The following PCDH15 variants were observed in gnomAD, a reference collection of about 807,000 sequenced individuals.
PCDH15 encodes protocadherin-15.
PCDH15 carries 129 observed loss-of-function variants against 178.5 expected under a neutral mutation model. The ratio of observed to expected loss-of-function variants is 0.72; its 90% CI spans 0.63 to 0.84. The LOEUF (loss-of-function observed/expected upper bound fraction) is 0.84, where lower values mean the gene tolerates loss of function less well. Ranked by LOEUF, PCDH15 falls within the 40% of genes least tolerant of loss-of-function variation. The pLI is 0.00. For synonymous variants in PCDH15, 800 were observed against 732.0 expected (o/e 1.09, Z -1.50); for missense variants, 2,230 against 2,099.9 (o/e 1.06, Z -1.21).
At chr10:54,340,274 T>G (rs1014242534) in intron 6 of PCDH15, among the ~76,000 whole-genome samples, 1 of 152,194 alleles carries the variant, frequency 6.6e-6, no homozygotes, top group Non-Finnish European at 1.5e-5. Flanking sequence ...TTGTTGTCAT[T>G]GGCTAATGAA....
chr10:54,587,429 C>T (rs551299048), intron 2 of PCDH15, among the ~76,000 whole-genome samples: 2 of 151,980 alleles, frequency 1.3e-5, no homozygotes, highest in South Asian at 2.1e-4. Flanking sequence ...GCCAGAACAA[C>T]TTAGTGCAGA....
intron 1 of PCDH15, among the ~76,000 whole-genome samples, chr10:54,668,533 G>A (rs78789448): frequency 6.6e-6 from 1 of 152,092 alleles, no homozygotes; most frequent in Non-Finnish European, 1.5e-5. Context: ...CTTGGAAGGA[G>A]AATAAAGGTC....
chr10:54,908,528 A>G (rs1384107646), intron 2 of PCDH15, among the ~76,000 whole-genome samples: 1 of 152,138 alleles, frequency 6.6e-6, no homozygotes, highest in Non-Finnish European at 1.5e-5. Flanking sequence ...TGTCACCTGC[A>G]ACATGGCAGG....
intron 1 of PCDH15, among the ~76,000 whole-genome samples, chr10:55,222,710 T>TACACACACACAGACACACACACACACAC (rs1554842351): frequency 3.6e-4 from 15 of 42,192 alleles, no homozygotes; most frequent in Non-Finnish European, 7.2e-4. Flanking sequence ...TATATCTTTA[T>TACACACACACAGACACACACACACACAC]ACACACACAC....
chr10:53,825,134 A>ACTTATGCCTATGTAT (rs772076259), intron 32 of PCDH15: 1 of 1,541,592 alleles, frequency 6.5e-7, no homozygotes, highest in Admixed American at 2.0e-5. Context: ...TTATTTACTT[A>ACTTATGCCTATGTAT]CTTATGCCTA....
At chr10:55,006,917 G>A (rs1186975994) in intron 2 of PCDH15, among the ~76,000 whole-genome samples, 1 of 151,926 alleles carries the variant, frequency 6.6e-6, no homozygotes. Flanking sequence ...GGGGCCTGGT[G>A]GGAGGTGTTT....
chr10:54,970,511 G>GA (rs1367179264), intron 2 of PCDH15, among the ~76,000 whole-genome samples: 1 of 152,076 alleles, frequency 6.6e-6, no homozygotes, highest in East Asian at 1.9e-4. Context: ...AGTCTCAGGT[G>GA]AAAATGAGAA....
At chr10:54,813,208 G>C (rs1952893716) in intron 3 of PCDH15, among the ~76,000 whole-genome samples, 1 of 151,840 alleles carries the variant, frequency 6.6e-6, no homozygotes, top group Non-Finnish European at 1.5e-5. Flanking sequence ...TTTGTCCTAG[G>C]CACTTTTCTC....
intron 2 of PCDH15, among the ~76,000 whole-genome samples, chr10:55,082,432 T>C (rs529768340): frequency 4.0e-5 from 6 of 151,866 alleles, no homozygotes; most frequent in Admixed American, 3.3e-4. Flanking sequence ...GGAAATTTTA[T>C]AGCAACAAGC....
At chr10:54,033,054 A>G (rs572515292) in intron 18 of PCDH15, among the ~76,000 whole-genome samples, 1 of 152,018 alleles carries the variant, frequency 6.6e-6, no homozygotes, top group South Asian at 2.1e-4. Flanking sequence ...TCCCTCCCTC[A>G]ACACATGGGG....
intron 2 of PCDH15, among the ~76,000 whole-genome samples, chr10:54,908,126 G>T (rs529035883): frequency 5.3e-5 from 8 of 152,312 alleles, no homozygotes; most frequent in African/African-American, 1.9e-4. Flanking sequence ...CCACTGGGCT[G>T]GTTCTGATAA....
At chr10:54,807,561 G>A (rs545527721) in intron 3 of PCDH15, among the ~76,000 whole-genome samples, 1 of 151,404 alleles carries the variant, frequency 6.6e-6, no homozygotes, top group African/African-American at 2.4e-5. Flanking sequence ...TAAAATAAAA[G>A]GTCAAGCCAG....
chr10:54,303,325 A>T (rs529353831), intron 8 of PCDH15, among the ~76,000 whole-genome samples: 1 of 152,050 alleles, frequency 6.6e-6, no homozygotes, highest in African/African-American at 2.4e-5. Flanking sequence ...ATATGAGTTT[A>T]TATGTCCTAA....
intron 2 of PCDH15, among the ~76,000 whole-genome samples, chr10:55,424,798 A>T (rs1838711455): frequency 6.6e-6 from 1 of 152,096 alleles, no homozygotes. Flanking sequence ...CAGAAGTGCC[A>T]AACATCAATT....
intron 1 of PCDH15, among the ~76,000 whole-genome samples, chr10:54,743,341 G>C (rs993546342): frequency 6.6e-6 from 1 of 151,982 alleles, no homozygotes; most frequent in Non-Finnish European, 1.5e-5. Context: ...AGGTATAGTA[G>C]TATTGAAGAA....
chr10:55,311,769 A>G (rs1205255615), intron 1 of PCDH15, among the ~76,000 whole-genome samples: 1 of 152,212 alleles, frequency 6.6e-6, no homozygotes, highest in Non-Finnish European at 1.5e-5. Flanking sequence ...TGTAGACTTC[A>G]GTCCTAATTA....
In PCDH15 at chr10:55,127,147, A is replaced by T. The variant is rs148929382; in HGVS notation, c.-80+39429T>A. Among the ~76,000 whole-genome samples, 595 of 152,146 alleles carry T rather than the reference A, an allele frequency of 3.9e-3. 6 individuals are homozygous for T. The highest frequency in any genetic ancestry group is 0.014 in the African/African-American group (576 of 41,542). On this transcript the variant is annotated intron_variant, in intron 2 of 5. Transcript: ENST00000458638. ...TCTGCTCGATTATCCTATTCCAGTG[A>T]ATCAATTGACACAAGATCTACTTTG...
chr10:54,423,050 T>C (rs1955751920), intron 3 of PCDH15, among the ~76,000 whole-genome samples: 2 of 152,136 alleles, frequency 1.3e-5, no homozygotes, highest in South Asian at 2.1e-4. Context: ...AGCCAGTTTT[T>C]TCTCTAAGCC....
At chr10:54,428,179 T>C (rs1469341193) in intron 3 of PCDH15, among the ~76,000 whole-genome samples, 1 of 152,170 alleles carries the variant, frequency 6.6e-6, no homozygotes, top group Non-Finnish European at 1.5e-5. Context: ...AATATTGCCC[T>C]AAGACAAACT....
Sources: gnomAD v4.1 joint callset for allele counts (sites outside exome capture counted in the v4.1 genomes callset) on GRCh38, gnomAD v4.1.1 for gene constraint, MANE v1.5 for transcripts, NCBI Gene and HGNC (gene_info 2026-07-23, HGNC 2026-07-21) for gene names.